FOCAD: variants seen among roughly 807,000 people sequenced by gnomAD.
The protein encoded by FOCAD is KIAA1797.
Under a neutral mutation model 225.6 loss-of-function variants are expected in FOCAD, and 198 were observed. That is an observed-to-expected ratio of 0.88 (90% CI 0.78 to 0.99). The LOEUF is 0.99. Among genes scored for constraint, FOCAD ranks in the 50% least tolerant of loss-of-function variants. The pLI is 0.00. For synonymous variants in FOCAD, 897 were observed against 755.0 expected, an observed-to-expected ratio of 1.19 and a Z score of -3.08; for missense variants, 2,713 against 2,123.6, an observed-to-expected ratio of 1.28 and a Z score of -5.46.
At chr9:20,765,296 G>C (rs931486873) in intron 7 of FOCAD, among the ~76,000 whole-genome samples, 1 of 151,960 alleles carries the variant, frequency 6.6e-6, no homozygotes, top group South Asian at 2.1e-4. Context: ...ATTATAAATC[G>C]ACATAGTCCA....
At chr9:20,868,628 T>G (rs190624743) in intron 18 of FOCAD, among the ~76,000 whole-genome samples, 32 of 152,218 alleles carry the variant, frequency 2.1e-4, no homozygotes, top group African/African-American at 7.5e-4. Context: ...TCTATATATG[T>G]TTGGGTTTTC....
Sources: allele counts gnomAD v4.1 joint callset (sites outside exome capture counted in the v4.1 genomes callset), GRCh38; gene constraint gnomAD v4.1.1; transcripts MANE v1.5; gene names NCBI Gene and HGNC (gene_info 2026-07-23, HGNC 2026-07-21).